Variants in TSPAN5 observed in about 807,000 individuals in gnomAD.
The protein encoded by TSPAN5 is tetraspanin 5.
TSPAN5 carries 10 observed loss-of-function variants against 37.1 expected under a neutral mutation model. That is an observed-to-expected ratio of 0.27 (90% CI 0.17 to 0.46). The LOEUF (loss-of-function observed/expected upper bound fraction) is 0.46, where lower values mean the gene tolerates loss of function less well. Ranked by LOEUF, TSPAN5 falls within the 20% of genes least tolerant of loss-of-function variation. TSPAN5 has a pLI of 1.00. For missense variants in TSPAN5, 195 were observed against 326.6 expected, an observed-to-expected ratio of 0.60 and a Z score of 3.11; for synonymous variants, 110 against 118.9, an observed-to-expected ratio of 0.93 and a Z score of 0.48.
intron 1 of TSPAN5, among the ~76,000 whole-genome samples, chr4:98,536,531 G>A (rs1482676714): frequency 1.3e-5 from 2 of 152,206 alleles, no homozygotes; most frequent in Non-Finnish European, 2.9e-5. Context: ...ACACTGTGCT[G>A]GGAGGTCCGC....
intron 1 of TSPAN5, among the ~76,000 whole-genome samples, chr4:98,631,412 C>T (rs536927561): frequency 4.6e-5 from 7 of 152,272 alleles, no homozygotes; most frequent in East Asian, 3.9e-4. Flanking sequence ...TCCCTGACTC[C>T]GGGTGGGTGC....
At chr4:98,593,072 T>C (rs1275462200) in intron 1 of TSPAN5, among the ~76,000 whole-genome samples, 2 of 65,130 alleles carry the variant, frequency 3.1e-5, no homozygotes, top group Non-Finnish European at 6.0e-5. Flanking sequence ...AAAGTGTTCC[T>C]ATTTCTCCAC....
chr4:98,632,572 G>A (rs1057354476), intron 1 of TSPAN5, among the ~76,000 whole-genome samples: 7 of 152,158 alleles, frequency 4.6e-5, no homozygotes, highest in African/African-American at 7.2e-5. Flanking sequence ...GGAGCACTTC[G>A]AAAACCCTGC....
intron 1 of TSPAN5, among the ~76,000 whole-genome samples, chr4:98,633,263 T>C (rs772354212): frequency 2.1e-4 from 32 of 152,156 alleles, no homozygotes; most frequent in Non-Finnish European, 3.7e-4. Flanking sequence ...TGCAAGGTAA[T>C]GTTAAAATGA....
chr4:98,644,640 T>G (rs910970658), intron 1 of TSPAN5, among the ~76,000 whole-genome samples: 2 of 152,208 alleles, frequency 1.3e-5, no homozygotes, highest in Non-Finnish European at 2.9e-5. Context: ...ACCCTATTTT[T>G]AAAATGCATT....
intron 1 of TSPAN5, among the ~76,000 whole-genome samples, chr4:98,535,084 C>T (rs1335445667): frequency 6.6e-6 from 1 of 152,148 alleles, no homozygotes; most frequent in Non-Finnish European, 1.5e-5. Flanking sequence ...ATGATGCTAG[C>T]TGGTTATTTT....
chr4:98,600,342 C>G (rs1225659558), intron 1 of TSPAN5, among the ~76,000 whole-genome samples: 1 of 152,180 alleles, frequency 6.6e-6, no homozygotes, highest in African/African-American at 2.4e-5. Context: ...ATTGACTCTT[C>G]CTTTCACAAA....
intron 1 of TSPAN5, among the ~76,000 whole-genome samples, chr4:98,589,117 A>G (rs1755563247): frequency 6.6e-6 from 1 of 152,124 alleles, no homozygotes; most frequent in African/African-American, 2.4e-5. Flanking sequence ...TTCCTCTTTG[A>G]TGCTCTCTAC....
intron 5 of TSPAN5, 76 bp downstream of exon 5, chr4:98,478,609 A>T (rs1274463079): frequency 4.4e-6 from 7 of 1,594,182 alleles, no homozygotes; most frequent in Non-Finnish European, 6.0e-6. Flanking sequence ...TCAACCAAAA[A>T]ATCACTCTGC....
intron 4 of TSPAN5, among the ~76,000 whole-genome samples, chr4:98,480,585 C>T (rs1402972443): frequency 6.6e-6 from 1 of 152,158 alleles, no homozygotes; most frequent in East Asian, 1.9e-4. Flanking sequence ...TACTTCTAAA[C>T]ATTACATTCC....
At chr4:98,610,587 G>C (rs940628087) in intron 1 of TSPAN5, among the ~76,000 whole-genome samples, 1 of 152,168 alleles carries the variant, frequency 6.6e-6, no homozygotes, top group Non-Finnish European at 1.5e-5. Flanking sequence ...AGACCACACA[G>C]CACCCAGGCA....
chr4:98,647,104 C>T (rs536092802), intron 1 of TSPAN5, among the ~76,000 whole-genome samples: 63 of 152,266 alleles, frequency 4.1e-4, no homozygotes, highest in African/African-American at 1.5e-3. Flanking sequence ...TTTCTGCCCT[C>T]CCACCACAAG....
intron 1 of TSPAN5, among the ~76,000 whole-genome samples, chr4:98,641,949 A>G (rs75564496): frequency 0.012 from 1,904 of 152,356 alleles, 33 homozygotes; most frequent in African/African-American, 0.043. Flanking sequence ...AAGGGTAGGC[A>G]AAGTGTTGAA....
At chr4:98,535,878 C>A (rs1754220573) in intron 1 of TSPAN5, among the ~76,000 whole-genome samples, 2 of 152,098 alleles carry the variant, frequency 1.3e-5, no homozygotes, top group African/African-American at 4.8e-5. Context: ...TTTTTCAGTG[C>A]CATCAGGTCA....
intron 1 of TSPAN5, among the ~76,000 whole-genome samples, chr4:98,641,403 T>C (rs920056466): frequency 6.6e-6 from 1 of 152,236 alleles, no homozygotes; most frequent in Admixed American, 6.5e-5. Flanking sequence ...ATATACAATT[T>C]TATGTGCAAA....
chr4:98,571,360 T>C (rs1263956533), intron 1 of TSPAN5, among the ~76,000 whole-genome samples: 2 of 150,148 alleles, frequency 1.3e-5, no homozygotes, highest in African/African-American at 2.5e-5. Flanking sequence ...AAAGGGGAAG[T>C]GCACAGGGTT....
chr4:98,636,485 T>C (rs17027883), intron 1 of TSPAN5, among the ~76,000 whole-genome samples: 14,246 of 152,180 alleles, frequency 0.094, 747 homozygotes, highest in Non-Finnish European at 0.11. Context: ...ATAATCAGAA[T>C]TGCTGCTAGA....
intron 1 of TSPAN5, among the ~76,000 whole-genome samples, chr4:98,653,048 C>A (rs144370251): frequency 6.6e-6 from 1 of 152,184 alleles, no homozygotes; most frequent in African/African-American, 2.4e-5. Flanking sequence ...CCATATGACA[C>A]TTTCATAACC....
intron 1 of TSPAN5, among the ~76,000 whole-genome samples, chr4:98,542,719 TAAAAAAAAAAA>T (rs11326064): frequency 9.8e-6 from 1 of 101,812 alleles, no homozygotes; most frequent in Non-Finnish European, 1.9e-5. Flanking sequence ...CTCATCTCTT[TAAAAAAAAAAA>T]AAAAAAAAAA....
Sources: allele counts gnomAD v4.1 joint callset (sites outside exome capture counted in the v4.1 genomes callset), GRCh38; gene constraint gnomAD v4.1.1; transcripts MANE v1.5; gene names NCBI Gene and HGNC (gene_info 2026-07-23, HGNC 2026-07-21).